Variants in GOLGA5 observed in about 807,000 individuals in gnomAD.
GOLGA5 encodes the protein golgin subfamily A member 5.
A neutral mutation model predicts 93.5 loss-of-function variants in GOLGA5; 50 were observed. The observed-to-expected ratio is 0.53, with a 90% CI of 0.43 to 0.68. The LOEUF (loss-of-function observed/expected upper bound fraction) is 0.68. GOLGA5 is among the 30% of genes least tolerant of loss of function. The pLI is 0.00. For synonymous variants in GOLGA5, 312 were observed against 304.5 expected (o/e 1.02, Z -0.26); for missense variants, 760 against 856.4 (o/e 0.89, Z 1.40).
chr14:92,816,165 A>G (rs75133345), intron 6 of GOLGA5, 86 bp from the exon 7 acceptor site: 1 of 853,606 alleles, frequency 1.2e-6, no homozygotes. Context: ...AATTTTTTTT[A>G]GTGGGTTATT....
intron 10 of GOLGA5, among the ~76,000 whole-genome samples, chr14:92,834,702 C>T (rs989514402): frequency 1.3e-5 from 2 of 152,164 alleles, no homozygotes; most frequent in Non-Finnish European, 1.5e-5. Flanking sequence ...GGGACTTTTA[C>T]TCTGAATGAG....
chr14:92,817,580 A>G (rs1247694890), intron 7 of GOLGA5, among the ~76,000 whole-genome samples: 1 of 152,226 alleles, frequency 6.6e-6, no homozygotes, highest in African/African-American at 2.4e-5. Context: ...TGACATAAAT[A>G]TCGTAGGAAG....
At chr14:92,795,089 G>A (rs76437397) in intron 1 of GOLGA5, among the ~76,000 whole-genome samples, 3 of 18,856 alleles carry the variant, frequency 1.6e-4, no homozygotes, top group South Asian at 2.3e-3. Flanking sequence ...AAGAATTAAT[G>A]AGCGTGTTTT....
rs753126089 is a variant in GOLGA5, at chr14:92,797,842, C to T, written c.405C>T (p.Thr135=). The part of the protein sequence containing the change: ...DFLNSSQKEP[T]GRVEIRKEKG... Reference sequence around the variant, plus strand: ...TTAATAGTTCACAGAAGGAGCCTACCGGGAGGGTGGAAATCAGAAAGGAAA... The same window carrying T: ...TTAATAGTTCACAGAAGGAGCCTACTGGGAGGGTGGAAATCAGAAAGGAAA... Residue 135 remains threonine, a synonymous_variant, in exon 2 of 13, where the codon ACC becomes ACT. Coordinates refer to ENST00000163416, the MANE Select transcript of GOLGA5 (RefSeq NM_005113.4). The T allele has an allele frequency of 1.4e-5, 22 of 1,613,906 alleles. No individual in the cohort carries two copies. The highest frequency in any genetic ancestry group is 3.3e-5 in the Admixed American group (2 of 60,002).
chr14:92,804,414 A>C (rs1465065259), intron 2 of GOLGA5, among the ~76,000 whole-genome samples: 1 of 151,774 alleles, frequency 6.6e-6, no homozygotes, highest in African/African-American at 2.4e-5. Flanking sequence ...CAAACATACC[A>C]AAATAGAACG....
intron 4 of GOLGA5, 47 bp from the exon 5 acceptor site, chr14:92,810,207 T>G (rs781398539): frequency 1.4e-6 from 2 of 1,461,012 alleles, no homozygotes; most frequent in African/African-American, 1.4e-5. Context: ...CCTTATCACT[T>G]GTACACTGTA....
rs549930582 is a variant in GOLGA5 at position 92,824,291 on chromosome 14, ACT to A, written c.1621-254_1621-253del. ...ACATTTTTTGTTTCTGATTATTTAC[ACT>A]GTTAATAATTATTTATTATGGATCT... is the stretch of plus-strand genomic sequence containing the variant. On this transcript the variant is annotated intron_variant, in intron 8 of 12. Coordinates refer to ENST00000163416, the MANE Select transcript of GOLGA5 (RefSeq NM_005113.4). Among the ~76,000 whole-genome samples, 21 of 152,226 alleles carry A rather than the reference ACT, an allele frequency of 1.4e-4. 1 individual carries two copies. In the East Asian group the frequency reaches 4.0e-3, roughly 29 times the overall value.
intron 8 of GOLGA5, among the ~76,000 whole-genome samples, chr14:92,822,596 T>C (rs139774481): frequency 6.6e-6 from 1 of 152,314 alleles, no homozygotes; most frequent in Admixed American, 6.5e-5. Flanking sequence ...TTGCAAATAA[T>C]TTTTCCCAGC....
rs1885714551 is a variant in GOLGA5 at position 92,839,474 on chromosome 14, T to C, written c.*28T>C. On this transcript the variant is annotated 3_prime_UTR_variant, in exon 13 of 13. Coordinates refer to ENST00000163416, the MANE Select transcript of GOLGA5 (RefSeq NM_005113.4). ...CAAGCCCAGTTGTTGCAGTGATTGG[T>C]TGTCTTTTTCTAGACTTGGGATCTG... is the stretch of plus-strand genomic sequence containing the variant. The C allele has an allele frequency of 2.6e-6, 4 of 1,518,088 alleles. No individual in the cohort carries two copies. Among genetic ancestry groups the C allele is most frequent in the Non-Finnish European group, 3.6e-6 (4 of 1,100,380 alleles). The allele number at this position is 1,518,088 out of a possible 1,614,324, so 94.0% of individuals were successfully genotyped here. A position where few individuals can be genotyped will look rare whatever the true frequency, so the allele number is the denominator to read the frequency against.
At chr14:92,800,849 G>C (rs749347752) in intron 2 of GOLGA5, among the ~76,000 whole-genome samples, 5 of 152,198 alleles carry the variant, frequency 3.3e-5, no homozygotes, top group Non-Finnish European at 7.3e-5. Context: ...TAATTAGAAA[G>C]AATGGACCTA....
chr14:92,806,674 A>G, intron 2 of GOLGA5, 62 bp from the exon 3 acceptor site: 1 of 1,087,424 alleles, frequency 9.2e-7, no homozygotes, highest in South Asian at 1.3e-5. Context: ...TACCAAAGCA[A>G]GTTGTTAATG....
intron 6 of GOLGA5, among the ~76,000 whole-genome samples, chr14:92,812,945 C>T (rs1258548922): frequency 6.6e-6 from 1 of 152,206 alleles, no homozygotes; most frequent in Non-Finnish European, 1.5e-5. Flanking sequence ...GCCTGACCTC[C>T]TGACCTCAGT....
intron 9 of GOLGA5, among the ~76,000 whole-genome samples, chr14:92,832,046 T>A (rs566143228): frequency 2.6e-5 from 4 of 152,288 alleles, no homozygotes; most frequent in African/African-American, 7.2e-5. Flanking sequence ...TGAAGCTGAC[T>A]TACAGTGTCA....
At chr14:92,821,171 T>C (rs1885309891) in intron 8 of GOLGA5, among the ~76,000 whole-genome samples, 1 of 152,208 alleles carries the variant, frequency 6.6e-6, no homozygotes, top group African/African-American at 2.4e-5. Flanking sequence ...ACATATTATA[T>C]TCATCAGTTG....
intron 4 of GOLGA5, among the ~76,000 whole-genome samples, 189 bp downstream of exon 4, chr14:92,809,708 C>CT (rs1468970747): frequency 2.6e-5 from 4 of 152,118 alleles, no homozygotes; most frequent in African/African-American, 9.7e-5. Context: ...AATCCTAGCA[C>CT]TTTGGGAAGC....
intron 7 of GOLGA5, 65 bp from the exon 8 acceptor site, chr14:92,819,643 A>T: frequency 6.6e-7 from 1 of 1,523,684 alleles, no homozygotes; most frequent in Non-Finnish European, 9.1e-7. Flanking sequence ...AAAAAGAAAA[A>T]TTGCTCAATA....
At position 92,812,280 on chromosome 14, in the gene GOLGA5, T is replaced by C. The variant is rs140315134; in HGVS notation, c.1320+526T>C. Among the ~76,000 whole-genome samples the C allele has an allele frequency of 5.0e-3, 759 of 152,358 alleles. 3 individuals are homozygous for C. The highest frequency in any genetic ancestry group is 0.02 in the Middle Eastern group (6 of 294). ...TAGGATCATTTTCCTGCCTGTGCAT[T>C]GATTCCATCTCCCATCTCATGTGTA... On this transcript the variant is annotated intron_variant, in intron 6 of 12. Transcript: ENST00000163416.
At chr14:92,812,725 TCTATG>T (rs1885127726) in intron 6 of GOLGA5, among the ~76,000 whole-genome samples, 1 of 152,210 alleles carries the variant, frequency 6.6e-6, no homozygotes, top group Non-Finnish European at 1.5e-5. Flanking sequence ...ACTCCTGCCT[TCTATG>T]CTATTCACAT....
At chr14:92,805,041 A>G (rs1038902891) in intron 2 of GOLGA5, among the ~76,000 whole-genome samples, 33 of 152,280 alleles carry the variant, frequency 2.2e-4, no homozygotes, top group Middle Eastern at 3.4e-3. Context: ...GGTAAAATGT[A>G]CATATATTAA....
Sources: allele counts gnomAD v4.1 joint callset (sites outside exome capture counted in the v4.1 genomes callset), GRCh38; gene constraint gnomAD v4.1.1; transcripts MANE v1.5; gene names NCBI Gene and HGNC (gene_info 2026-07-23, HGNC 2026-07-21).